APBA2: variants seen among roughly 807,000 people sequenced by gnomAD.
APBA2 encodes amyloid-beta A4 precursor protein-binding family A member 2.
A neutral mutation model predicts 75.0 loss-of-function variants in APBA2; 30 were observed. The observed-to-expected ratio is 0.40, with a 90% CI of 0.30 to 0.54. APBA2 has a LOEUF of 0.54. Ranked by LOEUF, APBA2 falls within the 20% of genes least tolerant of loss-of-function variation. The pLI is 0.49. For missense variants in APBA2, 801 were observed against 1,016.1 expected, an observed-to-expected ratio of 0.79 and a Z score of 2.88; for synonymous variants, 444 against 409.6, an observed-to-expected ratio of 1.08 and a Z score of -1.01.
In APBA2 at chr15:29,114,056, C is replaced by T. The variant is rs780993873; in HGVS notation, c.2178+40C>T. 3.7e-6 allele frequency: 6 copies of T among 1,613,140 alleles called. No individual in the cohort carries two copies. In the South Asian group the frequency reaches 6.6e-5, roughly 18 times the overall value. On this transcript the variant is annotated intron_variant, in intron 14 of 14. Coordinates refer to ENST00000683413, the MANE Select transcript of APBA2 (RefSeq NM_001353788.2). ...TGAGTGTGCCTCTGCATGCCGGTTC[C>T]CACGTGCTCCCGCCTGCCCTCCATG...
intron 2 of APBA2, among the ~76,000 whole-genome samples, chr15:28,922,551 A>G (rs533137917): frequency 1.1e-4 from 17 of 152,308 alleles, no homozygotes; most frequent in South Asian, 6.2e-4. Context: ...GCAGTGCACA[A>G]TGGGGCCACA....
chr15:28,900,853 C>T lies in APBA2; in HGVS notation c.-205+14575C>T, dbSNP rs572005772. The stretch of plus-strand genomic sequence containing the variant: ...CATTTGCTCACCCCTTCACCCAGGT[C>T]CTCCTTGTAATATGTATTGTAAATT... On this transcript the variant is annotated intron_variant, in intron 1 of 14. Coordinates refer to ENST00000683413, the MANE Select transcript of APBA2 (RefSeq NM_001353788.2). Among the ~76,000 whole-genome samples, 13 of 152,290 alleles carry T rather than the reference C, an allele frequency of 8.5e-5. No individual in the cohort carries two copies. The East Asian group carries it at 2.5e-3, about 30-fold the overall frequency.
At chr15:29,069,909 CT>C (rs1461392971) in intron 4 of APBA2, among the ~76,000 whole-genome samples, 1 of 152,232 alleles carries the variant, frequency 6.6e-6, no homozygotes, top group East Asian at 1.9e-4. Flanking sequence ...ACTGCCTGCC[CT>C]TTACAGGGCT....
chr15:29,044,466 A>G (rs1167251768), intron 3 of APBA2: 2 of 152,168 alleles, frequency 1.3e-5, no homozygotes, highest in African/African-American at 2.4e-5. Context: ...ATTGCTTTCC[A>G]GATGGTGTGT....
At chr15:28,984,847 T>C (rs906314013) in intron 2 of APBA2, among the ~76,000 whole-genome samples, 4 of 130,370 alleles carry the variant, frequency 3.1e-5, no homozygotes, top group Non-Finnish European at 6.1e-5. Context: ...TTGGGGGAGC[T>C]GCTCTATCTC....
At chr15:28,916,687 A>G (rs2033704462) in intron 1 of APBA2, among the ~76,000 whole-genome samples, 1 of 152,154 alleles carries the variant, frequency 6.6e-6, no homozygotes, top group Admixed American at 6.5e-5. Flanking sequence ...GCTGTAGCTC[A>G]CTTACCATTT....
intron 4 of APBA2, among the ~76,000 whole-genome samples, chr15:29,064,985 A>G (rs1385156565): frequency 6.6e-6 from 1 of 151,978 alleles, no homozygotes; most frequent in East Asian, 1.9e-4. Context: ...AGGAGGTGCC[A>G]GCAAGCCGAG....
At chr15:28,905,540 A>G (rs1216023381) in intron 1 of APBA2, among the ~76,000 whole-genome samples, 1 of 152,190 alleles carries the variant, frequency 6.6e-6, no homozygotes. Flanking sequence ...CATTAAATAG[A>G]TCTGCCATCT....
At chr15:28,987,761 T>TG (rs1368933579) in intron 2 of APBA2, among the ~76,000 whole-genome samples, 1 of 139,844 alleles carries the variant, frequency 7.2e-6, no homozygotes, top group Non-Finnish European at 1.5e-5. Context: ...TATTCTTTTT[T>TG]TTTTTTTTTT....
At chr15:28,995,664 A>G (rs567761165) in intron 2 of APBA2, 89 bp from the exon 3 acceptor site, 1 of 152,246 alleles carries the variant, frequency 6.6e-6, no homozygotes, top group Admixed American at 6.5e-5. Flanking sequence ...TCATATTTAC[A>G]TTTTTATACT....
intron 3 of APBA2, among the ~76,000 whole-genome samples, chr15:29,033,109 G>T (rs763330419): frequency 6.6e-6 from 1 of 152,196 alleles, no homozygotes; most frequent in South Asian, 2.1e-4. Context: ...GCCTCTGAAC[G>T]AGAATTGGCA....
At chr15:29,041,286 T>C (rs1309000697) in intron 3 of APBA2, among the ~76,000 whole-genome samples, 1 of 151,848 alleles carries the variant, frequency 6.6e-6, no homozygotes, top group East Asian at 1.9e-4. Flanking sequence ...GCATGGGCAA[T>C]ATGGTAAGAC....
At chr15:28,959,174 A>G (rs530200617) in intron 2 of APBA2, among the ~76,000 whole-genome samples, 1 of 152,198 alleles carries the variant, frequency 6.6e-6, no homozygotes, top group African/African-American at 2.4e-5. Flanking sequence ...TTTTTAGTGG[A>G]GACGGGGTTT....
chr15:29,083,916 C>T (rs914187714), intron 6 of APBA2, among the ~76,000 whole-genome samples: 1 of 152,196 alleles, frequency 6.6e-6, no homozygotes, highest in Non-Finnish European at 1.5e-5. Flanking sequence ...ACAACATAGT[C>T]TTTCTAGCCA....
At position 29,096,497 on chromosome 15, in the gene APBA2, A is replaced by C. The variant is rs926306063; in HGVS notation, c.1252-1993A>C. 7.9e-5 allele frequency among the ~76,000 whole-genome samples: 12 copies of C among 152,356 alleles called. No homozygotes were observed. The South Asian group carries it at 2.5e-3, about 32-fold the overall frequency. Reference sequence around the variant, plus strand: ...GCCACAACCCATGAATATAACCTTTAAATGCATGCTGATGCTGAATATAAC... The same window carrying C: ...GCCACAACCCATGAATATAACCTTTCAATGCATGCTGATGCTGAATATAAC... On this transcript the variant is annotated intron_variant, in intron 8 of 14. Transcript: ENST00000683413.
chr15:29,082,770 A>G (rs966897551), intron 6 of APBA2, among the ~76,000 whole-genome samples: 6 of 152,174 alleles, frequency 3.9e-5, no homozygotes, highest in African/African-American at 1.4e-4. Flanking sequence ...TTTTGAAAAT[A>G]AAGTTGTTGG....
intron 4 of APBA2, among the ~76,000 whole-genome samples, chr15:29,056,071 G>A (rs999307605): frequency 6.6e-6 from 1 of 152,210 alleles, no homozygotes; most frequent in East Asian, 1.9e-4. Context: ...AGGGATTGAC[G>A]TGGGCTGTGC....
At chr15:29,015,987 G>A (rs1160716601) in intron 3 of APBA2, among the ~76,000 whole-genome samples, 1 of 152,192 alleles carries the variant, frequency 6.6e-6, no homozygotes, top group African/African-American at 2.4e-5. Context: ...GGCCGGGCGC[G>A]GTGGCTCACG....
intron 2 of APBA2, among the ~76,000 whole-genome samples, chr15:28,993,056 G>A (rs563695253): frequency 3.9e-5 from 6 of 152,196 alleles, no homozygotes; most frequent in African/African-American, 1.4e-4. Context: ...GATGTGCTTG[G>A]CAGATGCAGG....
Sources: allele counts gnomAD v4.1 joint callset (sites outside exome capture counted in the v4.1 genomes callset), GRCh38; gene constraint gnomAD v4.1.1; transcripts MANE v1.5; gene names NCBI Gene and HGNC (gene_info 2026-07-23, HGNC 2026-07-21).